OR9I1: variants seen among roughly 807,000 people sequenced by gnomAD.
OR9I1 encodes olfactory receptor 9I1.
In OR9I1, 7 loss-of-function variants were observed where a neutral mutation model predicts 11.2. The observed-to-expected ratio is 0.62, with a 90% CI of 0.36 to 1.17. The LOEUF (loss-of-function observed/expected upper bound fraction) is 1.17, where lower values mean the gene tolerates loss of function less well. Among genes scored for constraint, OR9I1 ranks in the 50% most tolerant of loss-of-function variants. The pLI, the probability that OR9I1 is intolerant of heterozygous loss-of-function variation, is 0.02. For synonymous variants in OR9I1, 165 were observed against 153.4 expected (o/e 1.08, Z -0.56); for missense variants, 428 against 377.2 (o/e 1.13, Z -1.12).
At chr11:58,122,959 T>G (rs1366011399) in intron 2 of OR9I1, among the ~76,000 whole-genome samples, 2 of 139,396 alleles carry the variant, frequency 1.4e-5, no homozygotes, top group African/African-American at 5.1e-5. Flanking sequence ...TGTGGTAAAT[T>G]TTGTTTTTTT....
rs1036945719 is a variant in OR9I1 at position 58,118,389 on chromosome 11, T to C, written c.*111A>G. On this transcript the variant is annotated 3_prime_UTR_variant, in exon 3 of 3. Coordinates refer to ENST00000641439, the MANE Select transcript of OR9I1 (RefSeq NM_001005211.2). ...TTTCCTGTGTGCCTGGTGGTACCTA[T>C]CTTCTGTCTTCTCTGTTTGTGGGTA... 7 of 709,212 alleles carry C rather than the reference T, an allele frequency of 9.9e-6. No homozygotes were observed. The highest frequency in any genetic ancestry group is 4.0e-5 in the South Asian group (2 of 49,964). 43.9% of individuals were successfully genotyped at this position (709,212 alleles called of 1,614,324 possible). A position where few individuals can be genotyped will look rare whatever the true frequency, so the allele number is the denominator to read the frequency against.
chr11:58,123,177 A>G (rs986627739), intron 2 of OR9I1, among the ~76,000 whole-genome samples: 1 of 152,234 alleles, frequency 6.6e-6, no homozygotes, highest in African/African-American at 2.4e-5. Flanking sequence ...AAGTAGAAGC[A>G]GAAGAGTTAG....
intron 2 of OR9I1, 53 bp from the exon 3 acceptor site, chr11:58,119,519 TC>T (rs775117928): frequency 1.7e-5 from 17 of 1,025,366 alleles, no homozygotes; most frequent in Non-Finnish European, 2.3e-5. Context: ...ACAGAATCTT[TC>T]CCTCTATGGT....
In OR9I1 at chr11:58,118,379, G is replaced by A. The variant is rs912004110; in HGVS notation, c.*121C>T. The A allele has an allele frequency of 6.0e-6, 4 of 672,222 alleles. No individual in the cohort carries two copies. The highest frequency in any genetic ancestry group is 1.0e-5 in the Non-Finnish European group (4 of 392,852). 41.6% of individuals were successfully genotyped at this position (672,222 alleles called of 1,614,324 possible). On this transcript the variant is annotated 3_prime_UTR_variant, in exon 3 of 3. Transcript: ENST00000641439. ...AATTGTAGTTTTTCCTGTGTGCCTG[G>A]TGGTACCTATCTTCTGTCTTCTCTG... is the stretch of plus-strand genomic sequence containing the variant.
chr11:58,120,640 C>G (rs1257511266), intron 2 of OR9I1, among the ~76,000 whole-genome samples: 1 of 137,868 alleles, frequency 7.3e-6, no homozygotes, highest in Non-Finnish European at 1.6e-5. Flanking sequence ...CAGTACCCAG[C>G]ACATAAAGCT....
Position 58,118,780 on chromosome 11 carries a change from A to T in OR9I1, c.665T>A (p.Ile222Asn). Residue 222 changes from isoleucine (I) to asparagine (N), a missense_variant, in exon 3 of 3, where the codon ATC becomes AAC. Physicochemically the swap from Ile to Asn is moderately radical, Grantham distance 149. Coordinates refer to ENST00000641439, the MANE Select transcript of OR9I1 (RefSeq NM_001005211.2). ...AGACTTCACTTTCAAAATGGTCTTG[A>T]TGATGAGCAGATAGGAAATCAGGAT... The part of the protein sequence containing the change: ...SVILISYLLI[I>N]KTILKVKSSG... The T allele has an allele frequency of 6.2e-7, 1 of 1,614,106 alleles. No homozygotes were observed. The highest frequency in any genetic ancestry group is 8.5e-7 in the Non-Finnish European group (1 of 1,180,000).
intron 2 of OR9I1, among the ~76,000 whole-genome samples, chr11:58,121,552 A>G (rs962703886): frequency 2.0e-5 from 3 of 152,176 alleles, no homozygotes; most frequent in Non-Finnish European, 2.9e-5. Context: ...TCCACAACCA[A>G]GTCTCCAGAT....
In OR9I1 at chr11:58,119,005, C is replaced by T. The variant is rs189405120; in HGVS notation, c.440G>A (p.Gly147Glu). The change falls in exon 3 of 3, where the codon GGA becomes GAA. Residue 147 changes from glycine to glutamate, a missense_variant. Transcript: ENST00000641439. ...NPRLCWSLVVGAYVCGVSGAI... is the reference protein window; with the variant it reads ...NPRLCWSLVVEAYVCGVSGAI... ...TCCTGACACCCCACAGACATAGGCT[C>T]CTACCACCAGGCTCCAGCAGAGCCT... is the stretch of plus-strand genomic sequence containing the variant. The T allele has an allele frequency of 2.5e-5, 41 of 1,613,794 alleles. No individual in the cohort carries two copies. Among genetic ancestry groups the T allele is most frequent in the South Asian group, 8.8e-5 (8 of 91,080 alleles).
rs761214382 is a variant in OR9I1, at chr11:58,118,595, T to C, written c.850A>G (p.Met284Val). ...AAGCTGTAGATCAGAGGGTTCAGCA[T>C]GGGGATGACCACTGTATAGAAGACA... Reference protein sequence around the residue: ...VSVFYTVVIPMLNPLIYSLRN... With the variant: ...VSVFYTVVIPVLNPLIYSLRN... Residue 284 changes from methionine (M) to valine (V), a missense_variant, in exon 3 of 3, where the codon ATG becomes GTG. Coordinates refer to ENST00000641439, the MANE Select transcript of OR9I1 (RefSeq NM_001005211.2). The C allele has an allele frequency of 5.6e-6, 9 of 1,614,040 alleles. No individual in the cohort carries two copies. In the Admixed American group the frequency reaches 1.3e-4, roughly 24 times the overall value.
intron 2 of OR9I1, 50 bp from the exon 3 acceptor site, chr11:58,119,516 C>A: frequency 9.5e-7 from 1 of 1,054,830 alleles, no homozygotes; most frequent in South Asian, 1.6e-5. Context: ...AGGACAGAAT[C>A]TTTCCCTCTA....
In OR9I1 at chr11:58,118,829, C is replaced by G. The variant is rs756657444; in HGVS notation, c.616G>C (p.Val206Leu). The G allele has an allele frequency of 6.2e-7, 1 of 1,613,904 alleles. No homozygotes were observed. The highest frequency in any genetic ancestry group is 2.2e-5 in the East Asian group (1 of 44,792). ...ATGACGGAGGCATTGGCCAAAATCA[C>G]AAAATTGCCAAAGAAGATGATGACA... ...EIVIIFFGNFVILANASVILI... is the reference protein window; with the variant it reads ...EIVIIFFGNFLILANASVILI... The change falls in exon 3 of 3, where the codon GTG becomes CTG. Residue 206 changes from valine to leucine, a missense_variant. By Grantham distance (32) the Val-to-Leu change is conservative. Coordinates refer to ENST00000641439, the MANE Select transcript of OR9I1 (RefSeq NM_001005211.2).
In OR9I1 at chr11:58,118,437, C is replaced by T. The variant is rs758913342; in HGVS notation, c.*63G>A. On this transcript the variant is annotated 3_prime_UTR_variant, in exon 3 of 3. Transcript: ENST00000641439. ...GTATAGGTTGCATATAGTAATGGTGCCTATTAGGATATATTCATATGGGAA... is the reference window on the plus strand; with the variant it reads ...GTATAGGTTGCATATAGTAATGGTGTCTATTAGGATATATTCATATGGGAA... The T allele has an allele frequency of 1.9e-6, 2 of 1,062,808 alleles. No individual in the cohort carries two copies. Among genetic ancestry groups the T allele is most frequent in the African/African-American group, 1.6e-5 (1 of 63,122 alleles). The allele number at this position is 1,062,808 out of a possible 1,614,324, so 65.8% of individuals were successfully genotyped here.
intron 2 of OR9I1, among the ~76,000 whole-genome samples, chr11:58,123,733 T>C (rs531826546): frequency 1.1e-3 from 162 of 152,310 alleles, no homozygotes; most frequent in African/African-American, 3.8e-3. Context: ...TGTTCTCTTT[T>C]TAGGGCATGA....
At position 58,118,909 on chromosome 11, in the gene OR9I1, C is replaced by CAGA; in HGVS notation, c.533_535dup (p.Phe178dup). 6.2e-7 allele frequency: 1 copy of CAGA among 1,614,002 alleles called. No individual in the cohort carries two copies. Among genetic ancestry groups the CAGA allele is most frequent in the Non-Finnish European group, 8.5e-7 (1 of 1,180,000 alleles). On this transcript the variant is annotated inframe_insertion, in exon 3 of 3. Transcript: ENST00000641439. ...AAGCTTCAGCAGGGGTGGGAGGTCA[C>CAGA]AGAAGAAGAAGTTTATTTGATTGTC...
rs1853962233 is a variant in OR9I1, at chr11:58,117,035, T to C, written c.*1465A>G. On this transcript the variant is annotated 3_prime_UTR_variant, in exon 3 of 3. Coordinates refer to ENST00000641439, the MANE Select transcript of OR9I1 (RefSeq NM_001005211.2). The stretch of plus-strand genomic sequence containing the variant: ...ATACATCTTCCTCAGTTCATTGCTT[T>C]CATTGACTTTTATCATCATTGGTTG... 6.6e-6 allele frequency: 1 copy of C among 152,250 alleles called. No homozygotes were observed. The highest frequency in any genetic ancestry group is 1.5e-5 in the Non-Finnish European group (1 of 68,048). The allele number at this position is 152,250 out of a possible 1,614,324, so 9.4% of individuals were successfully genotyped here. A position where few individuals can be genotyped will look rare whatever the true frequency, so the allele number is the denominator to read the frequency against.
At chr11:58,123,285 T>G (rs1854054085) in intron 2 of OR9I1, among the ~76,000 whole-genome samples, 1 of 152,226 alleles carries the variant, frequency 6.6e-6, no homozygotes. Flanking sequence ...GAAATCTCCC[T>G]GCAGTTAATC....
chr11:58,119,529 G>A, intron 2 of OR9I1, 63 bp from the exon 3 acceptor site: 1 of 956,282 alleles, frequency 1.0e-6, no homozygotes, highest in Non-Finnish European at 1.6e-6. Flanking sequence ...TCCCTCTATG[G>A]TGGAAGTTTT....
intron 2 of OR9I1, 145 bp from the exon 3 acceptor site, chr11:58,119,611 A>T (rs910283049): frequency 1.7e-6 from 1 of 586,358 alleles, no homozygotes; most frequent in African/African-American, 1.9e-5. Context: ...TTCCTTGGGC[A>T]TCTCTTGCAT....
At chr11:58,120,343 A>G (rs1402807147) in intron 2 of OR9I1, among the ~76,000 whole-genome samples, 1 of 152,176 alleles carries the variant, frequency 6.6e-6, no homozygotes, top group East Asian at 1.9e-4. Flanking sequence ...TACATTCATA[A>G]AATAACATAT....
Sources: gnomAD v4.1 joint callset for allele counts (sites outside exome capture counted in the v4.1 genomes callset) on GRCh38, gnomAD v4.1.1 for gene constraint, MANE v1.5 for transcripts, NCBI Gene and HGNC (gene_info 2026-07-23, HGNC 2026-07-21) for gene names.